Variants in PARP12 observed in about 807,000 individuals in gnomAD.
The protein encoded by PARP12 is protein mono-ADP-ribosyltransferase PARP12.
A neutral mutation model predicts 72.4 loss-of-function variants in PARP12; 59 were observed. That is an observed-to-expected ratio of 0.81 (90% confidence interval 0.66 to 1.01). PARP12 has a LOEUF of 1.01. PARP12 is among the 50% of genes least tolerant of loss of function. The pLI is 0.00. For synonymous variants in PARP12, 403 were observed against 371.4 expected (o/e 1.09, Z -0.98); for missense variants, 851 against 914.0 (o/e 0.93, Z 0.89).
At chr7:140,048,456 A>C (rs938445105) in intron 4 of PARP12, among the ~76,000 whole-genome samples, 3 of 152,164 alleles carry the variant, frequency 2.0e-5, no homozygotes, top group Non-Finnish European at 2.9e-5. Flanking sequence ...GTGTCATGAG[A>C]GGACAGGGAG....
intron 11 of PARP12, among the ~76,000 whole-genome samples, chr7:140,025,885 C>T (rs1489846070): frequency 5.3e-5 from 8 of 152,228 alleles, no homozygotes. Context: ...CAGTCAGGGA[C>T]TTCATCAGGG....
At chr7:140,061,837 A>T (rs1817457691) in intron 1 of PARP12, among the ~76,000 whole-genome samples, 1 of 152,004 alleles carries the variant, frequency 6.6e-6, no homozygotes, top group Non-Finnish European at 1.5e-5. Context: ...CCCTGTGACC[A>T]AGAGTAAGGG....
chr7:140,058,063 G>C, intron 1 of PARP12, 29 bp from the exon 2 acceptor site: 1 of 1,612,666 alleles, frequency 6.2e-7, no homozygotes. Context: ...GGTGTTATAT[G>C]TCGAATTGAG....
chr7:140,059,908 A>T (rs752140302), intron 1 of PARP12, among the ~76,000 whole-genome samples: 4 of 152,212 alleles, frequency 2.6e-5, no homozygotes, highest in Non-Finnish European at 5.9e-5. Flanking sequence ...ATAAAGCCTG[A>T]GTGGAATACT....
At chr7:140,025,599 A>C (rs1228337593) in intron 11 of PARP12, 1 of 455,594 alleles carries the variant, frequency 2.2e-6, no homozygotes, top group Non-Finnish European at 4.4e-6. Context: ...ATGGTGCAGA[A>C]AGAGAGAGGG....
In PARP12 at chr7:140,024,631, T is replaced by C. The variant is rs975433050; in HGVS notation, c.2035A>G (p.Thr679Ala). ...GGTGTGACCGAGGGCTTGGAGGAGGTGGTGTACTGGATGACATACTCTGGG... is the reference window on the plus strand; with the variant it reads ...GGTGTGACCGAGGGCTTGGAGGAGGCGGTGTACTGGATGACATACTCTGGG... ...VYPEYVIQYT[T>A]SSKPSVTPSI... Residue 679 changes from threonine to alanine, a missense_variant, in exon 12 of 12, where the codon ACC (threonine) becomes GCC (alanine). This residue lies in a region of PARP12 where 347 missense variants were observed against 396.1 expected (regional missense o/e 0.88). Transcript: ENST00000263549. 5.6e-6 allele frequency: 9 copies of C among 1,613,434 alleles called. No individual in the cohort carries two copies. In the African/African-American group the frequency reaches 1.2e-4, roughly 22 times the overall value.
rs141922513 is a variant in PARP12, at chr7:140,057,932, G to A, written c.429C>T (p.Leu143=). ...AAAGCCAGGGGTCGTTCTGAAACAAGAGTTGGCATAGCTCATTATAGCTCA... is the reference window on the plus strand; with the variant it reads ...AAAGCCAGGGGTCGTTCTGAAACAAAAGTTGGCATAGCTCATTATAGCTCA... ...DHLSYNELCQ[L]LFQNDPWLLP... The change falls in exon 2 of 12, where the codon CTC becomes CTT. Residue 143 remains leucine, a synonymous_variant. Coordinates refer to ENST00000263549, the MANE Select transcript of PARP12 (RefSeq NM_022750.4). 7.9e-5 allele frequency: 128 copies of A among 1,614,248 alleles called. No individual in the cohort carries two copies. The African/African-American group carries it at 1.3e-3, about 16-fold the overall frequency.
intron 1 of PARP12, among the ~76,000 whole-genome samples, chr7:140,059,012 T>C (rs1212480113): frequency 6.6e-6 from 1 of 151,686 alleles, no homozygotes; most frequent in East Asian, 1.9e-4. Context: ...GGACAATCGC[T>C]TGAACCCAGG....
chr7:140,035,925 AC>A (rs1816145057), intron 7 of PARP12, among the ~76,000 whole-genome samples: 4 of 104,348 alleles, frequency 3.8e-5, no homozygotes, highest in Admixed American at 1.8e-4. Context: ...AAGGAGGAGG[AC>A]AAGGAGGAGG....
chr7:140,047,587 CA>C (rs1331157059), intron 4 of PARP12, among the ~76,000 whole-genome samples: 2 of 152,140 alleles, frequency 1.3e-5, no homozygotes, highest in Non-Finnish European at 2.9e-5. Flanking sequence ...CTAAGACATA[CA>C]TCTTCCTTCT....
At chr7:140,062,383 T>C in intron 1 of PARP12, 139 bp downstream of exon 1, 1 of 869,958 alleles carries the variant, frequency 1.1e-6, no homozygotes, top group Admixed American at 3.1e-5. Context: ...AACGCTCGCT[T>C]TAGTGAATGA....
In PARP12 at chr7:140,024,802, C is replaced by A; in HGVS notation, c.1864G>T (p.Val622Leu). 1 of 1,614,172 alleles carries A rather than the reference C, an allele frequency of 6.2e-7. No individual in the cohort carries two copies. Among genetic ancestry groups the A allele is most frequent in the Non-Finnish European group, 8.5e-7 (1 of 1,180,022 alleles). ...CCCCTGACGAACTCGCCCACCAGCA[C>A]CCGGGCCAGGAACATCGTGTGGGTC... ...TQTHTMFLARVLVGEFVRGNA... is the reference protein window; with the variant it reads ...TQTHTMFLARLLVGEFVRGNA... The change falls in exon 12 of 12, where the codon GTG becomes TTG. Residue 622 changes from valine to leucine, a missense_variant. By Grantham distance (32) the Val-to-Leu change is conservative. This residue lies in a region of PARP12 where 347 missense variants were observed against 396.1 expected (regional missense o/e 0.88). Coordinates refer to ENST00000263549, the MANE Select transcript of PARP12 (RefSeq NM_022750.4).
chr7:140,043,125 C>T (rs1277024650), intron 5 of PARP12, among the ~76,000 whole-genome samples: 2 of 152,118 alleles, frequency 1.3e-5, no homozygotes, highest in African/African-American at 2.4e-5. Context: ...ACCCAGGAGG[C>T]GGAGCTTGCA....
At position 140,028,602 on chromosome 7, in the gene PARP12, G is replaced by A; in HGVS notation, c.1497+11C>T. 1 of 1,576,920 alleles carries A rather than the reference G, an allele frequency of 6.3e-7. No individual in the cohort carries two copies. The highest frequency in any genetic ancestry group is 8.6e-7 in the Non-Finnish European group (1 of 1,159,804). ...CCTTCCTGTCCAGCCCCAGGCGCAT[G>A]CGTCCCCTACCTGAAAGCCTGGGTC... On this transcript the variant is annotated intron_variant, in intron 9 of 11. Transcript: ENST00000263549.
chr7:140,057,629 A>G (rs1005414685), intron 2 of PARP12: 6 of 467,828 alleles, frequency 1.3e-5, no homozygotes, highest in Non-Finnish European at 2.3e-5. Flanking sequence ...TTCTCAATGG[A>G]GCACACTGAG....
rs779032177 is a variant in PARP12 at position 140,028,603 on chromosome 7, C to T, written c.1497+10G>A. ...CTTCCTGTCCAGCCCCAGGCGCATG[C>T]GTCCCCTACCTGAAAGCCTGGGTCT... On this transcript the variant is annotated intron_variant, in intron 9 of 11. Coordinates refer to ENST00000263549, the MANE Select transcript of PARP12 (RefSeq NM_022750.4). 5.1e-6 allele frequency: 8 copies of T among 1,577,222 alleles called. No individual in the cohort carries two copies. The East Asian group carries it at 6.9e-5, about 14-fold the overall frequency.
rs545277781 is a variant in PARP12, at chr7:140,030,391, A to G, written c.1422-1703T>C. 2.0e-5 allele frequency among the ~76,000 whole-genome samples: 3 copies of G among 152,346 alleles called. No individual in the cohort carries two copies. In the South Asian group the frequency reaches 6.2e-4, roughly 32 times the overall value. ...GGTGGGCAGATCACTTGAGATCAGGAGTTCAAGACCAGCCTGACCAACATA... is the reference window on the plus strand; with the variant it reads ...GGTGGGCAGATCACTTGAGATCAGGGGTTCAAGACCAGCCTGACCAACATA... On this transcript the variant is annotated intron_variant, in intron 8 of 11. Transcript: ENST00000263549.
intron 2 of PARP12, 77 bp downstream of exon 2, chr7:140,057,822 C>T: frequency 6.3e-7 from 1 of 1,575,678 alleles, no homozygotes; most frequent in African/African-American, 1.3e-5. Flanking sequence ...ACCCATTCCA[C>T]TCCCAGTCAT....
At position 140,037,723 on chromosome 7, in the gene PARP12, T is replaced by C. The variant is rs1203553021; in HGVS notation, c.1316A>G (p.Asp439Gly). 1 of 1,614,086 alleles carries C rather than the reference T, an allele frequency of 6.2e-7. No homozygotes were observed. The highest frequency in any genetic ancestry group is 2.2e-5 in the East Asian group (1 of 44,870). ...FQAGKHNYEL[D>G]FKAFVQKNLV... ...GGCAGGGCACAGGATACCTTTGAAA[T>C]CTAACTCGTAGTTGTGCTTTCCGGC... is the stretch of plus-strand genomic sequence containing the variant. Residue 439 changes from aspartate (D) to glycine (G), a missense_variant, in exon 7 of 12, where the codon GAT (aspartate) becomes GGT (glycine). By Grantham distance (94) the Asp-to-Gly change is moderately conservative. Transcript: ENST00000263549.
Sources: gnomAD v4.1 joint callset for allele counts (sites outside exome capture counted in the v4.1 genomes callset) on GRCh38, gnomAD v4.1.1 for gene constraint, gnomAD v4.1.1 regional missense constraint, MANE v1.5 for transcripts, NCBI Gene and HGNC (gene_info 2026-07-23, HGNC 2026-07-21) for gene names.